OR56A3: variants seen among roughly 807,000 people sequenced by gnomAD.
OR56A3 encodes the protein olfactory receptor family 56 subfamily A member 3, also known as olfactory receptor 56A3.
A neutral mutation model predicts 17.5 loss-of-function variants in OR56A3; 23 were observed. The observed-to-expected ratio is 1.32, with a 90% CI of 0.95 to 1.87. The LOEUF (loss-of-function observed/expected upper bound fraction) is 1.87, where lower values mean the gene tolerates loss of function less well. Among genes scored for constraint, OR56A3 ranks in the 40% most tolerant of loss-of-function variants. The probability of loss-of-function intolerance (pLI) is 0.00; values close to 1 mark genes in which losing one functional copy is unlikely to be tolerated. For synonymous variants in OR56A3, 175 were observed against 150.6 expected, an observed-to-expected ratio of 1.16 and a Z score of -1.19; for missense variants, 366 against 380.1, an observed-to-expected ratio of 0.96 and a Z score of 0.31.
the OR56A3 span, chr11:5,985,872 C>G: frequency 4.2e-6 from 6 of 1,423,956 alleles, no homozygotes; most frequent in Non-Finnish European, 5.7e-6. Flanking sequence ...GTAATCTACA[C>G]CAGTCACAGG....
the OR56A3 span, among the ~76,000 whole-genome samples, chr11:5,972,016 A>G: frequency 6.6e-5 from 10 of 152,338 alleles, no homozygotes; most frequent in East Asian, 1.7e-3. Flanking sequence ...GCTATAAATC[A>G]TGTCTAATAA....
At chr11:5,988,369 A>T in the OR56A3 span, among the ~76,000 whole-genome samples, 1 of 152,164 alleles carries the variant, frequency 6.6e-6, no homozygotes, top group African/African-American at 2.4e-5. Flanking sequence ...AGCATGGTGA[A>T]CATTTCACAA....
the OR56A3 span, among the ~76,000 whole-genome samples, chr11:5,974,636 A>G: frequency 1.3e-5 from 2 of 152,218 alleles, no homozygotes; most frequent in African/African-American, 2.4e-5. Flanking sequence ...GCAAATCACC[A>G]GCAGTGTGTG....
the OR56A3 span, chr11:5,986,804 G>A: frequency 6.2e-7 from 1 of 1,614,050 alleles, no homozygotes; most frequent in Non-Finnish European, 8.5e-7. Context: ...GCAATCCAGT[G>A]CTGGCTTTCC....
chr11:5,945,507 G>T (rs1480093217), intron 2 of OR56A3, among the ~76,000 whole-genome samples: 1 of 150,778 alleles, frequency 6.6e-6, no homozygotes, highest in African/African-American at 2.4e-5. Flanking sequence ...GCTTGAACCT[G>T]GGAGGCGGAG....
At chr11:6,000,190 A>G in the OR56A3 span, 2 of 152,260 alleles carry the variant, frequency 1.3e-5, no homozygotes, top group African/African-American at 4.8e-5. Context: ...ACCATTCACA[A>G]TAGCAAAGAC....
the OR56A3 span, among the ~76,000 whole-genome samples, chr11:5,980,976 G>A: frequency 6.6e-6 from 1 of 152,176 alleles, no homozygotes; most frequent in Non-Finnish European, 1.5e-5. Context: ...TTTAAGGAGA[G>A]TGATAATAGG....
the OR56A3 span, among the ~76,000 whole-genome samples, chr11:5,981,980 C>T: frequency 6.6e-6 from 1 of 152,174 alleles, no homozygotes; most frequent in Non-Finnish European, 1.5e-5. Context: ...GGAGCTGGGA[C>T]AAGGCCCATG....
the OR56A3 span, among the ~76,000 whole-genome samples, chr11:5,997,107 C>T: frequency 2.6e-5 from 4 of 152,248 alleles, no homozygotes; most frequent in South Asian, 2.1e-4. Flanking sequence ...CAAGAATGAA[C>T]GAATTCAAGA....
chr11:5,976,745 G>T, the OR56A3 span, among the ~76,000 whole-genome samples: 5 of 151,714 alleles, frequency 3.3e-5, no homozygotes, highest in Non-Finnish European at 5.9e-5. Context: ...GGCTCATGGA[G>T]TATACATATG....
chr11:5,983,622 C>T, the OR56A3 span, among the ~76,000 whole-genome samples: 1 of 152,176 alleles, frequency 6.6e-6, no homozygotes, highest in Non-Finnish European at 1.5e-5. Context: ...TTTATACTTC[C>T]ACAGAGGAAG....
chr11:5,978,335 C>T, the OR56A3 span, among the ~76,000 whole-genome samples: 215 of 152,166 alleles, frequency 1.4e-3, no homozygotes, highest in African/African-American at 4.7e-3. Flanking sequence ...TGTTTCTATC[C>T]ATGAGCATGG....
intron 2 of OR56A3, among the ~76,000 whole-genome samples, chr11:5,945,671 G>C (rs1478606507): frequency 6.6e-6 from 1 of 151,656 alleles, no homozygotes; most frequent in African/African-American, 2.4e-5. Flanking sequence ...GTAAGATTAG[G>C]ATTAGAATAA....
chr11:6,002,068 G>T, the OR56A3 span: 1 of 1,592,072 alleles, frequency 6.3e-7, no homozygotes, highest in African/African-American at 1.3e-5. Flanking sequence ...CTCTTCAGCA[G>T]GTTTTGGATT....
chr11:5,961,793 T>C, the OR56A3 span, among the ~76,000 whole-genome samples: 3 of 151,752 alleles, frequency 2.0e-5, no homozygotes, highest in Non-Finnish European at 4.4e-5. Context: ...ATTGACTCTA[T>C]ATATAACTTT....
chr11:5,992,076 C>A, the OR56A3 span, among the ~76,000 whole-genome samples: 1 of 152,194 alleles, frequency 6.6e-6, no homozygotes, highest in African/African-American at 2.4e-5. Context: ...TAGGAAACCT[C>A]ATGCAGTGAG....
At chr11:6,004,332 A>G in the OR56A3 span, among the ~76,000 whole-genome samples, 1 of 152,130 alleles carries the variant, frequency 6.6e-6, no homozygotes, top group Non-Finnish European at 1.5e-5. Flanking sequence ...CCGGCCTGGC[A>G]ACAAAATGAG....
the OR56A3 span, chr11:5,994,414 G>A: frequency 1.4e-6 from 1 of 727,932 alleles, no homozygotes; most frequent in South Asian, 1.4e-5. Flanking sequence ...TGTTCCTGAT[G>A]TCTGCCATGA....
the OR56A3 span, chr11:5,968,434 G>T: frequency 2.5e-6 from 4 of 1,593,864 alleles, no homozygotes; most frequent in Non-Finnish European, 2.6e-6. Flanking sequence ...TGGAAACTGG[G>T]GAAACAAATG....
Sources: gnomAD v4.1 joint callset for allele counts (sites outside exome capture counted in the v4.1 genomes callset) on GRCh38, gnomAD v4.1.1 for gene constraint, MANE v1.5 for transcripts, NCBI Gene and HGNC (gene_info 2026-07-23, HGNC 2026-07-21) for gene names.